The following RABGAP1L variants were observed in gnomAD, a reference collection of about 807,000 sequenced individuals.
RABGAP1L encodes the protein rab GTPase-activating protein 1-like.
In RABGAP1L, 63 loss-of-function variants were observed where a neutral mutation model predicts 137.7. The observed-to-expected ratio is 0.46, with a 90% CI of 0.37 to 0.56. The LOEUF is 0.56. RABGAP1L is among the 20% of genes least tolerant of loss of function. RABGAP1L has a pLI of 0.00. For missense variants in RABGAP1L, 1,095 were observed against 1,244.0 expected (o/e 0.88, Z 1.80); for synonymous variants, 431 against 433.7 (o/e 0.99, Z 0.08).
intron 13 of RABGAP1L, among the ~76,000 whole-genome samples, chr1:174,616,227 C>A (rs1236508625): frequency 2.6e-5 from 4 of 152,180 alleles, no homozygotes; most frequent in African/African-American, 9.7e-5. Context: ...TGGGTGCCCC[C>A]CGTTGGTATG....
At chr1:174,186,634 T>A (rs370019675) in intron 1 of RABGAP1L, among the ~76,000 whole-genome samples, 158 of 152,314 alleles carry the variant, frequency 1.0e-3, no homozygotes, top group African/African-American at 3.6e-3. Flanking sequence ...TTCTCCACAT[T>A]TGACCTGTTA....
chr1:174,896,347 T>C (rs1200600209), intron 19 of RABGAP1L, among the ~76,000 whole-genome samples: 6 of 152,244 alleles, frequency 3.9e-5, no homozygotes, highest in Non-Finnish European at 5.9e-5. Context: ...TAGTCCTTTG[T>C]CAGATGAGTA....
chr1:174,851,000 A>G (rs1648221122), intron 19 of RABGAP1L, among the ~76,000 whole-genome samples: 1 of 152,216 alleles, frequency 6.6e-6, no homozygotes, highest in African/African-American at 2.4e-5. Context: ...ACCTCAAGGA[A>G]CTACTAGCTC....
chr1:174,940,452 A>T lies in RABGAP1L; in HGVS notation c.2341-17005A>T, dbSNP rs1419676998. Among the ~76,000 whole-genome samples, 6 of 151,368 alleles carry T rather than the reference A, an allele frequency of 4.0e-5. 1 individual carries two copies. Among genetic ancestry groups the T allele is most frequent in the Non-Finnish European group, 5.9e-5 (4 of 67,810 alleles). ...CATGCCTGGCTAATTTTTTTTTAAAATTTTTTGTAGAGATGGGGTCTCGCT... is the reference window on the plus strand; with the variant it reads ...CATGCCTGGCTAATTTTTTTTTAAATTTTTTTGTAGAGATGGGGTCTCGCT... On this transcript the variant is annotated intron_variant, in intron 19 of 25. Coordinates refer to ENST00000681986, the MANE Select transcript of RABGAP1L (RefSeq NM_001366446.1).
chr1:174,620,339 C>T (rs12077283), intron 13 of RABGAP1L, among the ~76,000 whole-genome samples: 9,549 of 152,126 alleles, frequency 0.063, 976 homozygotes, highest in African/African-American at 0.22. Flanking sequence ...ACATTCTTTT[C>T]AGCACCACAC....
intron 19 of RABGAP1L, among the ~76,000 whole-genome samples, chr1:174,879,649 G>C (rs889108206): frequency 6.6e-6 from 1 of 152,148 alleles, no homozygotes; most frequent in African/African-American, 2.4e-5. Flanking sequence ...TATTGAAACT[G>C]GGTGATAAGT....
intron 14 of RABGAP1L, among the ~76,000 whole-genome samples, chr1:174,662,819 A>T (rs1298916106): frequency 1.3e-5 from 2 of 152,232 alleles, no homozygotes; most frequent in Admixed American, 6.5e-5. Flanking sequence ...GTATAGGCCT[A>T]GCCTAATGTG....
At chr1:174,400,064 C>T (rs1648373456) in intron 13 of RABGAP1L, among the ~76,000 whole-genome samples, 1 of 152,132 alleles carries the variant, frequency 6.6e-6, no homozygotes, top group African/African-American at 2.4e-5. Context: ...CATTCTGAAG[C>T]ATTCTTTCAG....
At chr1:174,441,040 A>G (rs1055224880) in intron 13 of RABGAP1L, among the ~76,000 whole-genome samples, 4 of 150,206 alleles carry the variant, frequency 2.7e-5, no homozygotes, top group Non-Finnish European at 5.9e-5. Context: ...GATAAATATA[A>G]AAGAATAAAA....
At chr1:174,959,838 G>T (rs1007234384) in intron 20 of RABGAP1L, among the ~76,000 whole-genome samples, 11 of 152,094 alleles carry the variant, frequency 7.2e-5, no homozygotes, top group Non-Finnish European at 1.2e-4. Flanking sequence ...AACATATTTG[G>T]TTTGTAAGAT....
At chr1:174,516,646 C>T (rs962832630) in intron 13 of RABGAP1L, among the ~76,000 whole-genome samples, 2 of 152,166 alleles carry the variant, frequency 1.3e-5, no homozygotes, top group African/African-American at 2.4e-5. Flanking sequence ...ACTGAGTACA[C>T]ACTGTGTGCC....
chr1:174,612,893 G>T (rs541805905), intron 13 of RABGAP1L, among the ~76,000 whole-genome samples: 91 of 151,722 alleles, frequency 6.0e-4, no homozygotes, highest in African/African-American at 1.6e-3. Context: ...CTGTGGGATC[G>T]GTGGTGATAT....
chr1:174,800,352 G>T (rs1336433540), intron 18 of RABGAP1L: 2 of 1,550,424 alleles, frequency 1.3e-6, no homozygotes, highest in African/African-American at 1.4e-5. Context: ...GGGGTGCCCT[G>T]CCCAGCCCCA....
intron 13 of RABGAP1L, among the ~76,000 whole-genome samples, chr1:174,616,781 G>A (rs1200352277): frequency 6.6e-6 from 1 of 152,204 alleles, no homozygotes; most frequent in African/African-American, 2.4e-5. Flanking sequence ...TGAAAGTTCT[G>A]TTAGACCAGT....
intron 13 of RABGAP1L, among the ~76,000 whole-genome samples, chr1:174,564,290 G>T (rs1050388931): frequency 3.3e-5 from 5 of 152,128 alleles, no homozygotes; most frequent in Admixed American, 6.5e-5. Flanking sequence ...GAGACATACT[G>T]GTTCTGTTAG....
At chr1:174,701,032 C>T in intron 16 of RABGAP1L, 3 of 1,294,440 alleles carry the variant, frequency 2.3e-6, no homozygotes, top group East Asian at 1.1e-4. Context: ...GCACATTTGG[C>T]TATTTTTCAA....
intron 13 of RABGAP1L, among the ~76,000 whole-genome samples, chr1:174,615,346 A>G (rs1409946380): frequency 1.3e-5 from 2 of 152,126 alleles, no homozygotes; most frequent in Admixed American, 6.6e-5. Context: ...TCCACTCCAG[A>G]CCCTATTTGC....
intron 18 of RABGAP1L, among the ~76,000 whole-genome samples, chr1:174,789,389 A>C (rs1241356442): frequency 6.6e-6 from 1 of 152,230 alleles, no homozygotes; most frequent in Non-Finnish European, 1.5e-5. Context: ...AAAACAACTC[A>C]ACATTCATGA....
At chr1:174,762,021 T>C (rs1431787215) in intron 18 of RABGAP1L, among the ~76,000 whole-genome samples, 1 of 152,026 alleles carries the variant, frequency 6.6e-6, no homozygotes, top group Non-Finnish European at 1.5e-5. Flanking sequence ...GGGTGAGATT[T>C]GGACAAAGAC....
Sources: gnomAD v4.1 joint callset for allele counts (sites outside exome capture counted in the v4.1 genomes callset) on GRCh38, gnomAD v4.1.1 for gene constraint, MANE v1.5 for transcripts, NCBI Gene and HGNC (gene_info 2026-07-23, HGNC 2026-07-21) for gene names.